The following SIMC1 variants were observed in gnomAD, a reference collection of about 807,000 sequenced individuals.
SIMC1 encodes SUMO-interacting motif-containing protein 1.
In SIMC1, 55 loss-of-function variants were observed where a neutral mutation model predicts 82.3. The ratio of observed to expected loss-of-function variants is 0.67; its 90% CI spans 0.54 to 0.84. SIMC1 has a LOEUF of 0.84. SIMC1 is among the 40% of genes least tolerant of loss of function. The pLI is 0.00. For synonymous variants in SIMC1, 353 were observed against 426.3 expected (o/e 0.83, Z 2.12); for missense variants, 915 against 1,107.2 (o/e 0.83, Z 2.46).
intron 1 of SIMC1, among the ~76,000 whole-genome samples, chr5:176,245,822 G>A (rs1321228367): frequency 2.6e-5 from 4 of 152,038 alleles, no homozygotes; most frequent in Admixed American, 6.6e-5. Flanking sequence ...GATAATTATC[G>A]TTATCTGCAA....
At chr5:176,295,479 G>C (rs1322701287) in intron 3 of SIMC1, among the ~76,000 whole-genome samples, 1 of 152,228 alleles carries the variant, frequency 6.6e-6, no homozygotes, top group South Asian at 2.1e-4. Context: ...AAACCGAGGA[G>C]TGAGATGTGA....
intron 1 of SIMC1, chr5:176,263,310 A>G (rs2113152092): frequency 1.2e-6 from 1 of 814,000 alleles, no homozygotes; most frequent in South Asian, 2.5e-5. Context: ...TGGAGGGACA[A>G]AAGATTCAGA....
intron 4 of SIMC1, among the ~76,000 whole-genome samples, chr5:176,305,772 C>G (rs1195169341): frequency 1.8e-5 from 1 of 54,870 alleles, no homozygotes; most frequent in Non-Finnish European, 4.0e-5. Flanking sequence ...GTCAGCCCCC[C>G]ACCCGGCCAG....
chr5:176,332,753 A>C (rs1765720119), intron 7 of SIMC1, among the ~76,000 whole-genome samples: 1 of 152,184 alleles, frequency 6.6e-6, no homozygotes, highest in Non-Finnish European at 1.5e-5. Context: ...AAAATTATTA[A>C]AGAGTTCAGA....
intron 2 of SIMC1, 43 bp from the exon 3 acceptor site, chr5:176,294,978 AAAAAAAAAG>A: frequency 6.6e-7 from 1 of 1,523,942 alleles, no homozygotes; most frequent in East Asian, 2.4e-5. Context: ...AAAAAAAAAA[AAAAAAAAAG>A]AAAAGAAATC....
rs962414643 is a variant in SIMC1, at chr5:176,338,082, C to T, written c.2413+936C>T. 3.9e-5 allele frequency among the ~76,000 whole-genome samples: 6 copies of T among 152,226 alleles called. No individual in the cohort carries two copies. In the East Asian group the frequency reaches 5.8e-4, roughly 15 times the overall value. On this transcript the variant is annotated intron_variant, in intron 9 of 9. Coordinates refer to ENST00000429602, the MANE Select transcript of SIMC1 (RefSeq NM_001308195.2). Reference sequence around the variant, plus strand: ...TGGCATTCTTCCTGGATGTGATTGACGGAGAAGGATGCATCATCATGTATG... The same window carrying T: ...TGGCATTCTTCCTGGATGTGATTGATGGAGAAGGATGCATCATCATGTATG...
At chr5:176,277,504 T>C (rs1002330775) in intron 1 of SIMC1, among the ~76,000 whole-genome samples, 15 of 152,028 alleles carry the variant, frequency 9.9e-5, no homozygotes, top group Non-Finnish European at 1.3e-4. Context: ...TTTGGTGTTT[T>C]AGACGTGAAG....
chr5:176,257,684 A>G (rs1465645527), intron 1 of SIMC1, among the ~76,000 whole-genome samples: 7 of 152,212 alleles, frequency 4.6e-5, no homozygotes, highest in Non-Finnish European at 8.8e-5. Context: ...ATACATATGT[A>G]CGTATGTGTC....
At chr5:176,248,209 T>C (rs1761515466) in intron 1 of SIMC1, among the ~76,000 whole-genome samples, 3 of 152,160 alleles carry the variant, frequency 2.0e-5, no homozygotes, top group African/African-American at 7.2e-5. Context: ...GTATGGCCAT[T>C]TTCATGATAT....
intron 4 of SIMC1, among the ~76,000 whole-genome samples, chr5:176,297,770 A>C (rs1481706978): frequency 6.6e-6 from 1 of 152,192 alleles, no homozygotes; most frequent in African/African-American, 2.4e-5. Context: ...GGAATTTGAA[A>C]ATATATCCTC....
chr5:176,288,500 G>A (rs1763398360), intron 1 of SIMC1, among the ~76,000 whole-genome samples: 1 of 152,090 alleles, frequency 6.6e-6, no homozygotes. Context: ...GTTGGCTATG[G>A]GAGAGGAGTT....
intron 4 of SIMC1, among the ~76,000 whole-genome samples, chr5:176,301,953 C>T (rs1330105066): frequency 6.6e-6 from 1 of 152,122 alleles, no homozygotes; most frequent in Non-Finnish European, 1.5e-5. Context: ...GGTTCCAGGA[C>T]CTCCCTTGGA....
chr5:176,334,447 T>A (rs1423611022), intron 7 of SIMC1, among the ~76,000 whole-genome samples: 1 of 152,172 alleles, frequency 6.6e-6, no homozygotes. Flanking sequence ...GGATATTCAG[T>A]GAGATCTCTC....
intron 1 of SIMC1, among the ~76,000 whole-genome samples, chr5:176,276,449 CT>C (rs373839606): frequency 0.15 from 21,910 of 145,386 alleles, 1,929 homozygotes; most frequent in Admixed American, 0.22. Context: ...ATTTTTTTTT[CT>C]TTTTTTTTTA....
intron 9 of SIMC1, among the ~76,000 whole-genome samples, chr5:176,343,006 C>T (rs1195753800): frequency 6.6e-6 from 1 of 152,184 alleles, no homozygotes; most frequent in Non-Finnish European, 1.5e-5. Flanking sequence ...AAGGGCCTTG[C>T]ACTTCCATCT....
At position 176,290,103 on chromosome 5, in the gene SIMC1, G is replaced by C. The variant is rs1452861046; in HGVS notation, c.579G>C (p.Arg193Ser). 21 of 1,605,622 alleles carry C rather than the reference G, an allele frequency of 1.3e-5. No individual in the cohort carries two copies. In the African/African-American group the frequency reaches 1.6e-4, roughly 12 times the overall value. Residue 193 changes from arginine to serine, a missense_variant, in exon 2 of 10, where the codon AGG (arginine) becomes AGC (serine). Physicochemically the swap from Arg to Ser is moderately radical, Grantham distance 110 (BLOSUM62 -1). Around this residue, in one of 2 missense-constraint regions of SIMC1, gnomAD observed 902 missense variants for 1,040.3 expected, o/e 0.87. Coordinates refer to ENST00000429602, the MANE Select transcript of SIMC1 (RefSeq NM_001308195.2). ...TCTCCCCAACAAGCAATAATAGTAG[G>C]AGCAGCAGCAGCAGCAGCAATCAAA... ...SSLSPTSNNS[R>S]SSSSSSNQKA...
chr5:176,297,742 G>C (rs1186026785), intron 4 of SIMC1, among the ~76,000 whole-genome samples: 7 of 152,158 alleles, frequency 4.6e-5, no homozygotes, highest in Non-Finnish European at 7.3e-5. Flanking sequence ...ATACAATTAA[G>C]ACATTTCCAG....
At chr5:176,273,538 T>C (rs1762540777) in intron 1 of SIMC1, among the ~76,000 whole-genome samples, 1 of 152,198 alleles carries the variant, frequency 6.6e-6, no homozygotes, top group Non-Finnish European at 1.5e-5. Context: ...AGTTTTAGGG[T>C]ACATGTGCAC....
intron 1 of SIMC1, among the ~76,000 whole-genome samples, chr5:176,243,473 A>G (rs1354153434): frequency 1.3e-5 from 2 of 152,106 alleles, no homozygotes; most frequent in Non-Finnish European, 2.9e-5. Context: ...GTAATACAGT[A>G]AGAAATCTTT....
Sources: gnomAD v4.1 joint callset for allele counts (sites outside exome capture counted in the v4.1 genomes callset) on GRCh38, gnomAD v4.1.1 for gene constraint, gnomAD v4.1.1 regional missense constraint, MANE v1.5 for transcripts, NCBI Gene and HGNC (gene_info 2026-07-23, HGNC 2026-07-21) for gene names.